Variants in PALB2 observed in about 807,000 individuals in gnomAD.
PALB2 encodes the protein mutant partner and localizer of BRCA2.
In PALB2, 82 loss-of-function variants were observed where a neutral mutation model predicts 107.4. The observed-to-expected ratio is 0.76, with a 90% confidence interval of 0.64 to 0.92. The LOEUF (loss-of-function observed/expected upper bound fraction) is 0.92, where lower values mean the gene tolerates loss of function less well. Among genes scored for constraint, PALB2 ranks in the 40% least tolerant of loss-of-function variants. PALB2 has a pLI of 0.00. For missense variants in PALB2, 1,374 were observed against 1,379.9 expected (o/e 1.00, Z 0.07); for synonymous variants, 489 against 496.8 (o/e 0.98, Z 0.21).
At position 23,633,265 on chromosome 16, in the gene PALB2, A is replaced by G. The variant is rs16940342; in HGVS notation, c.1684+1597T>C. On this transcript the variant is annotated intron_variant, in intron 4 of 12. Transcript: ENST00000261584. ...AGACCAAGTCCATGTCCAATGGTACAGAGCAGCCTGCTACCTATTTTTGCA... is the reference window on the plus strand; with the variant it reads ...AGACCAAGTCCATGTCCAATGGTACGGAGCAGCCTGCTACCTATTTTTGCA... 0.18 allele frequency among the ~76,000 whole-genome samples: 27,658 copies of G among 152,214 alleles called. 2,625 individuals are homozygous for G. The highest frequency in any genetic ancestry group is 0.22 in the African/African-American group (9,226 of 41,526).
At chr16:23,608,864 G>A (rs993434005) in intron 11 of PALB2, among the ~76,000 whole-genome samples, 3 of 68,456 alleles carry the variant, frequency 4.4e-5, no homozygotes, top group Non-Finnish European at 8.3e-5. Context: ...AGTTTCGCTC[G>A]TTGCCCAGGC....
At chr16:23,633,968 C>G (rs948103092) in intron 4 of PALB2, among the ~76,000 whole-genome samples, 3 of 152,102 alleles carry the variant, frequency 2.0e-5, no homozygotes, top group African/African-American at 7.2e-5. Flanking sequence ...CTTGGCCTCC[C>G]GAAGTGCTGG....
intron 1 of PALB2, chr16:23,638,358 C>A: frequency 1.7e-6 from 1 of 596,644 alleles, no homozygotes; most frequent in South Asian, 1.9e-5. Context: ...CCTACTGATT[C>A]CTCAAACCTT....
chr16:23,637,161 T>C (rs931658781), intron 3 of PALB2, among the ~76,000 whole-genome samples: 7 of 151,964 alleles, frequency 4.6e-5, no homozygotes. Context: ...GGCAGGAGAA[T>C]TGCTTGAACC....
intron 10 of PALB2, among the ~76,000 whole-genome samples, chr16:23,617,286 C>T (rs1351687908): frequency 6.6e-6 from 1 of 152,042 alleles, no homozygotes; most frequent in East Asian, 1.9e-4. Context: ...CAGCTTTTGA[C>T]AGACAATATG....
At chr16:23,604,364 G>T (rs1966423617) in intron 12 of PALB2, among the ~76,000 whole-genome samples, 1 of 152,218 alleles carries the variant, frequency 6.6e-6, no homozygotes, top group African/African-American at 2.4e-5. Flanking sequence ...AGTACAATAG[G>T]GATGATTTTA....
rs1967244375 is a variant in PALB2, at chr16:23,641,283, A to G, written c.-126T>C. The G allele has an allele frequency of 4.7e-6, 6 of 1,286,878 alleles. No homozygotes were observed. Among genetic ancestry groups the G allele is most frequent in the Non-Finnish European group, 6.5e-6 (6 of 916,532 alleles). The allele number at this position is 1,286,878 out of a possible 1,614,324, so 79.7% of individuals were successfully genotyped here. A position where few individuals can be genotyped will look rare whatever the true frequency, so the allele number is the denominator to read the frequency against. ...ATGGGGAGCCCGGGATCGCACCCTC[A>G]GTGCGCGATCAGCTGACCCACGCGG... On this transcript the variant is annotated 5_prime_UTR_variant, in exon 1 of 13. Coordinates refer to ENST00000261584, the MANE Select transcript of PALB2 (RefSeq NM_024675.4).
intron 12 of PALB2, chr16:23,607,242 CA>C (rs1396609023): frequency 2.0e-5 from 3 of 151,534 alleles, no homozygotes; most frequent in Non-Finnish European, 4.4e-5. Flanking sequence ...GGAAAGAACA[CA>C]AATTATGTTT....
intron 10 of PALB2, among the ~76,000 whole-genome samples, chr16:23,615,143 T>A (rs1310844196): frequency 6.7e-6 from 1 of 149,750 alleles, no homozygotes; most frequent in African/African-American, 2.5e-5. Context: ...GAGGCAGGGT[T>A]TCACCAGGTT....
rs749001322 is a variant in PALB2, at chr16:23,629,661, C to T, written c.2493G>A (p.Leu831=). 6.2e-7 allele frequency: 1 copy of T among 1,614,148 alleles called. No homozygotes were observed. The highest frequency in any genetic ancestry group is 8.5e-7 in the Non-Finnish European group (1 of 1,180,004). Residue 831 remains leucine, a synonymous_variant, in exon 5 of 13, where the codon CTG becomes CTA. Transcript: ENST00000261584. ...NQLCRNTCQE[L]HKHSVEQTET... is the part of the protein sequence containing the mutation. ...GTACCTGTTCGACGGAATGTTTATG[C>T]AGCTCCTGGCATGTGTTTCTACAGA...
chr16:23,627,111 T>C (rs1966844525), intron 6 of PALB2, among the ~76,000 whole-genome samples: 1 of 152,180 alleles, frequency 6.6e-6, no homozygotes, highest in Non-Finnish European at 1.5e-5. Flanking sequence ...TATCTACTAT[T>C]ATGACCATGG....
At chr16:23,633,109 A>C (rs1966901462) in intron 4 of PALB2, among the ~76,000 whole-genome samples, 1 of 152,120 alleles carries the variant, frequency 6.6e-6, no homozygotes, top group Non-Finnish European at 1.5e-5. Flanking sequence ...AATAAAAAAA[A>C]ACTACTGTGT....
chr16:23,630,489 CACA>C lies in PALB2; in HGVS notation c.1685-23_1685-21del, dbSNP rs759161292. 2.6e-6 allele frequency: 4 copies of C among 1,565,428 alleles called. No homozygotes were observed. Among genetic ancestry groups the C allele is most frequent in the Non-Finnish European group, 3.5e-6 (4 of 1,143,244 alleles). ...TCTTCCCTAAAGAAGAAAAATAAGT[CACA>C]AAATAGTAACAAAACCCAACAAAAC... is the stretch of plus-strand genomic sequence containing the variant. On this transcript the variant is annotated intron_variant, in intron 4 of 12. Transcript: ENST00000261584.
rs876660336 is a variant in PALB2 at position 23,629,987 on chromosome 16, T to A, written c.2167A>T (p.Met723Leu). ...PDDNDRPTTDMCSPAFPILGT... is the reference protein window; with the variant it reads ...PDDNDRPTTDLCSPAFPILGT... ...AAGATGGGGAAAGCAGGTGAACACA[T>A]GTCTGTGGTAGGCCTGTCATTATCA... Residue 723 changes from methionine (M) to leucine (L), a missense_variant, in exon 5 of 13, where the codon ATG becomes TTG. Coordinates refer to ENST00000261584, the MANE Select transcript of PALB2 (RefSeq NM_024675.4). 1.2e-6 allele frequency: 2 copies of A among 1,613,878 alleles called. No individual in the cohort carries two copies.
chr16:23,622,962 T>C lies in PALB2; in HGVS notation c.2996+7A>G. 6.2e-7 allele frequency: 1 copy of C among 1,614,078 alleles called. No homozygotes were observed. Among genetic ancestry groups the C allele is most frequent in the Non-Finnish European group, 8.5e-7 (1 of 1,179,972 alleles). On this transcript the variant is annotated splice_region_variant and intron_variant, in intron 9 of 12. Transcript: ENST00000261584. ...AATAGTTAAAAATCAATCAATGCTT[T>C]TCTTACCCTCCATCTTCTGCAAACG...
At chr16:23,637,563 T>G (rs1194709510) in intron 3 of PALB2, among the ~76,000 whole-genome samples, 1 of 151,636 alleles carries the variant, frequency 6.6e-6, no homozygotes, top group East Asian at 2.0e-4. Context: ...ATTAGTCAGG[T>G]GTGGTAGTGC....
chr16:23,640,956 C>T, intron 1 of PALB2, 154 bp downstream of exon 1: 1 of 829,006 alleles, frequency 1.2e-6, no homozygotes, highest in East Asian at 2.7e-5. Flanking sequence ...ACGCTATTTC[C>T]ACATTTTCAT....
At position 23,621,230 on chromosome 16, in the gene PALB2, A is replaced by G. The variant is rs915150322; in HGVS notation, c.3113+132T>C. On this transcript the variant is annotated intron_variant, in intron 10 of 12. Coordinates refer to ENST00000261584, the MANE Select transcript of PALB2 (RefSeq NM_024675.4). ...GTCTCAAAACACAACAAAAACAACA[A>G]CAACAGCAACACAAAACCACAATCA... 20 of 724,650 alleles carry G rather than the reference A, an allele frequency of 2.8e-5. No homozygotes were observed. The African/African-American group carries it at 3.2e-4, about 11-fold the overall frequency. The allele number at this position is 724,650 out of a possible 1,614,324, so 44.9% of individuals were successfully genotyped here.
At chr16:23,640,940 A>T (rs181428108) in intron 1 of PALB2, 170 bp downstream of exon 1, 178 of 707,644 alleles carry the variant, frequency 2.5e-4, no homozygotes, top group Non-Finnish European at 3.9e-4. Flanking sequence ...CCACCACGTG[A>T]GCACCACGCT....
Sources: gnomAD v4.1 joint callset for allele counts (sites outside exome capture counted in the v4.1 genomes callset) on GRCh38, gnomAD v4.1.1 for gene constraint, MANE v1.5 for transcripts, NCBI Gene and HGNC (gene_info 2026-07-23, HGNC 2026-07-21) for gene names.